Variants in ZNF749 observed in about 807,000 individuals in gnomAD.
The protein encoded by ZNF749 is zinc finger protein 749.
A neutral mutation model predicts 7.3 loss-of-function variants in ZNF749; 8 were observed. That is an observed-to-expected ratio of 1.10 (90% CI 0.64 to 1.98). The LOEUF is 1.98. Ranked by LOEUF, ZNF749 falls within the 30% of genes most tolerant of loss-of-function variation. The pLI is 0.00. For synonymous variants in ZNF749, 310 were observed against 322.4 expected, an observed-to-expected ratio of 0.96 and a Z score of 0.41; for missense variants, 898 against 932.4, an observed-to-expected ratio of 0.96 and a Z score of 0.48.
Position 57,436,345 on chromosome 19 carries a change from A to C in ZNF749, c.15+752A>C, listed in dbSNP as rs1005187780. ...TGAGTTAGAAGTTGTGCACTTGAGA[A>C]GTTGGCCTGTGGATCAGATTGAGAA... On this transcript the variant is annotated intron_variant, in intron 1 of 2. Transcript: ENST00000334181. The surrounding 1 kb of genome is among the most constrained non-coding windows in gnomAD (Gnocchi z 4.0). Among the ~76,000 whole-genome samples the C allele has an allele frequency of 1.3e-5, 2 of 152,116 alleles. No individual in the cohort carries two copies. Among genetic ancestry groups the C allele is most frequent in the African/African-American group, 4.8e-5 (2 of 41,438 alleles).
At chr19:57,441,742 G>A (rs569106292) in intron 1 of ZNF749, 143 bp from the exon 2 acceptor site, 5 of 944,382 alleles carry the variant, frequency 5.3e-6, no homozygotes, top group Non-Finnish European at 8.3e-6. Context: ...TTCAGCATAT[G>A]GGATCTGGAT....
chr19:57,443,726 A>G lies in ZNF749; in HGVS notation c.578A>G (p.Gln193Arg). The G allele has an allele frequency of 6.2e-7, 1 of 1,614,180 alleles. No homozygotes were observed. The highest frequency in any genetic ancestry group is 8.5e-7 in the Non-Finnish European group (1 of 1,179,992). ...TQDGEAFQGE[Q>R]NDFNSSQGGK... The stretch of plus-strand genomic sequence containing the variant: ...GATGGGGAAGCCTTTCAAGGTGAAC[A>G]GAATGATTTCAACTCCAGCCAAGGT... The change falls in exon 3 of 3, where the codon CAG (glutamine) becomes CGG (arginine). Residue 193 changes from glutamine to arginine, a missense_variant. Physicochemically the swap from Gln to Arg is conservative, Grantham distance 43. Transcript: ENST00000334181.
chr19:57,432,269 G>A (rs567875942), upstream of ZNF749, among the ~76,000 whole-genome samples: 12 of 151,004 alleles, frequency 7.9e-5, no homozygotes, highest in Admixed American at 3.3e-4. Context: ...GCAATGTCAC[G>A]GGAGCCAATT....
chr19:57,430,229 A>G, the ZNF749 span, among the ~76,000 whole-genome samples: 1 of 152,210 alleles, frequency 6.6e-6, no homozygotes, highest in Non-Finnish European at 1.5e-5. Context: ...TCCAATACCA[A>G]GATACTAGCA....
chr19:57,447,056 AAATT>A lies in ZNF749; in HGVS notation c.*1576_*1579del, dbSNP rs1211895505. Among the ~76,000 whole-genome samples, 1 of 152,154 alleles carries A rather than the reference AAATT, an allele frequency of 6.6e-6. No homozygotes were observed. The highest frequency in any genetic ancestry group is 1.5e-5 in the Non-Finnish European group (1 of 68,024). The stretch of plus-strand genomic sequence containing the variant: ...AAACATTGTACACTTAGGCTACTCT[AAATT>A]AATTTTTTCTTTAGTAATAAATTAA... On this transcript the variant is annotated 3_prime_UTR_variant, in exon 3 of 3. Coordinates refer to ENST00000334181, the MANE Select transcript of ZNF749 (RefSeq NM_001023561.4).
rs767338994 is a variant in ZNF749, at chr19:57,444,892, C to T, written c.1744C>T (p.Arg582Trp). Residue 582 changes from arginine (R) to tryptophan (W), a missense_variant, in exon 3 of 3, where the codon CGG becomes TGG. Arg to Trp is a moderately radical substitution (Grantham distance 101). Transcript: ENST00000334181. ...TCACCAGAAAATCCAGACTGGAGAA[C>T]GGCGTTATGAATGCAATGAATGTGG... ...DGHQKIQTGERRYECNECGKF... is the reference protein window; with the variant it reads ...DGHQKIQTGEWRYECNECGKF... 4.6e-5 allele frequency: 74 copies of T among 1,614,000 alleles called. No homozygotes were observed. Among genetic ancestry groups the T allele is most frequent in the African/African-American group, 1.2e-4 (9 of 74,918 alleles).
At chr19:57,432,156 T>C (rs894093605), upstream of ZNF749, among the ~76,000 whole-genome samples, 1 of 151,872 alleles carries the variant, frequency 6.6e-6, no homozygotes, top group Non-Finnish European at 1.5e-5. Flanking sequence ...TACCCTATTA[T>C]TATCCTCTTC....
rs185129091 is a variant in ZNF749 at position 57,439,234 on chromosome 19, C to A, written c.16-2651C>A. Among the ~76,000 whole-genome samples the A allele has an allele frequency of 5.9e-5, 9 of 151,612 alleles. No homozygotes were observed. Among genetic ancestry groups the A allele is most frequent in the Admixed American group, 2.6e-4 (4 of 15,222 alleles). ...GTTGTTGGTGACTGAACGAGAGTGG[C>A]GGTGGTGGAAGTGGGAGGAGTGGGG... On this transcript the variant is annotated intron_variant, in intron 1 of 2. Transcript: ENST00000334181. The surrounding 1 kb of genome is among the most constrained non-coding windows in gnomAD (Gnocchi z 4.3).
In ZNF749 at chr19:57,445,263, T is replaced by C. The variant is rs1000059844; in HGVS notation, c.2115T>C (p.Phe705=). The C allele has an allele frequency of 1.2e-6, 2 of 1,614,028 alleles. No homozygotes were observed. The highest frequency in any genetic ancestry group is 3.3e-4 in the Middle Eastern group (2 of 6,062). Residue 705 remains phenylalanine (F), a synonymous_variant, in exon 3 of 3, where the codon TTT becomes TTC. Transcript: ENST00000334181. ...AGTGCAGTAAATGTAGGGAATTGTT[T>C]AGGACTAAATCGAGCCTTATTATAC... ...PHECSKCREL[F]RTKSSLIIHQ...
upstream of ZNF749, among the ~76,000 whole-genome samples, chr19:57,433,442 C>T (rs188446086): frequency 4.6e-5 from 7 of 152,142 alleles, no homozygotes; most frequent in African/African-American, 1.7e-4. Flanking sequence ...TTTGGTGTAG[C>T]CGTTGTCCAT....
upstream of ZNF749, among the ~76,000 whole-genome samples, chr19:57,431,558 AT>A (rs1214897654): frequency 1.3e-5 from 2 of 152,156 alleles, no homozygotes; most frequent in Non-Finnish European, 2.9e-5. Context: ...CTACAGCATG[AT>A]AGGTGGCTAC....
At chr19:57,438,640 T>G (rs1600102503) in intron 1 of ZNF749, among the ~76,000 whole-genome samples, 1 of 152,078 alleles carries the variant, frequency 6.6e-6, no homozygotes, top group Non-Finnish European at 1.5e-5. Flanking sequence ...CCTGCACAGG[T>G]AAGTCAAGGA....
chr19:57,444,087 G>T lies in ZNF749; in HGVS notation c.939G>T (p.Leu313=), dbSNP rs762063833. 1.2e-6 allele frequency: 2 copies of T among 1,613,942 alleles called. No homozygotes were observed. The highest frequency in any genetic ancestry group is 1.7e-4 in the Middle Eastern group (1 of 6,060). ...CGKAFLTQAH[L]VGHQKTHTGE... is the part of the protein sequence containing the mutation. ...AGGCCTTTCTTACACAGGCTCATCT[G>T]GTTGGTCACCAGAAAACCCATACTG... Residue 313 remains leucine (L), a synonymous_variant, in exon 3 of 3, where the codon CTG becomes CTT. Coordinates refer to ENST00000334181, the MANE Select transcript of ZNF749 (RefSeq NM_001023561.4).
rs751026126 is a variant in ZNF749 at position 57,445,281 on chromosome 19, T to C, written c.2133T>C (p.Leu711=). 1.2e-6 allele frequency: 2 copies of C among 1,613,674 alleles called. No individual in the cohort carries two copies. The change falls in exon 3 of 3, where the codon CTT becomes CTC. Residue 711 remains leucine (L), a synonymous_variant. Transcript: ENST00000334181. ...CRELFRTKSS[L]IIHQQSHTGE... ...AATTGTTTAGGACTAAATCGAGCCTTATTATACATCAGCAGTCTCACACTG... is the reference window on the plus strand; with the variant it reads ...AATTGTTTAGGACTAAATCGAGCCTCATTATACATCAGCAGTCTCACACTG...
rs7247347 is a variant in ZNF749 at position 57,446,398 on chromosome 19, G to A, written c.*913G>A. Among the ~76,000 whole-genome samples, 76,123 of 151,986 alleles carry A rather than the reference G, an allele frequency of 0.5. 19,416 individuals carry two copies. The highest frequency in any genetic ancestry group is 0.58 in the South Asian group (2,796 of 4,818). On this transcript the variant is annotated 3_prime_UTR_variant, in exon 3 of 3. Transcript: ENST00000334181. ...CATGAAACCAGTCCCTGGTGCCAAA[G>A]AGGTTGGGGACCGCTGCTTTAAACT...
Position 57,443,612 on chromosome 19 carries a change from C to T in ZNF749, c.464C>T (p.Thr155Met), listed in dbSNP as rs139122172. 38 of 1,614,084 alleles carry T rather than the reference C, an allele frequency of 2.4e-5. No homozygotes were observed. Among genetic ancestry groups the T allele is most frequent in the South Asian group, 1.3e-4 (12 of 91,090 alleles). The change falls in exon 3 of 3, where the codon ACG becomes ATG. Residue 155 changes from threonine (T) to methionine (M), a missense_variant. Physicochemically the swap from Thr to Met is moderately conservative, Grantham distance 81. Coordinates refer to ENST00000334181, the MANE Select transcript of ZNF749 (RefSeq NM_001023561.4). ...AHVGERNFTC[T>M]QGGKDFTASS... ...GTGGGAGAGAGGAACTTCACATGCACGCAGGGTGGCAAGGATTTTACTGCC... is the reference window on the plus strand; with the variant it reads ...GTGGGAGAGAGGAACTTCACATGCATGCAGGGTGGCAAGGATTTTACTGCC...
In ZNF749 at chr19:57,442,457, G is replaced by A. The variant is rs1403599110; in HGVS notation, c.142+446G>A. On this transcript the variant is annotated intron_variant, in intron 2 of 2. Coordinates refer to ENST00000334181, the MANE Select transcript of ZNF749 (RefSeq NM_001023561.4). This position sits in a 1 kb window ranked among gnomAD's most constrained non-coding sequence, Gnocchi z 6.6. ...TTATTTCTGCAGGACGCTCTACTGG[G>A]TGTTCTGGTAGCTTTAGAATGCAGC... Among the ~76,000 whole-genome samples, 4 of 152,176 alleles carry A rather than the reference G, an allele frequency of 2.6e-5. No individual in the cohort carries two copies. The highest frequency in any genetic ancestry group is 5.9e-5 in the Non-Finnish European group (4 of 68,036).
chr19:57,431,834 G>GT (rs1329368133), upstream of ZNF749, among the ~76,000 whole-genome samples: 1 of 151,370 alleles, frequency 6.6e-6, no homozygotes, highest in East Asian at 1.9e-4. Context: ...TTTTGTTTTT[G>GT]TTTTTTTAAC....
chr19:57,435,433 A>C lies in ZNF749; in HGVS notation c.-146A>C. ...TCGGGACTGAGGTGAAAGAGCGGAA[A>C]AACGCGAGAAGCGGTGTTCCTTCTA... On this transcript the variant is annotated 5_prime_UTR_variant, in exon 1 of 3. Coordinates refer to ENST00000334181, the MANE Select transcript of ZNF749 (RefSeq NM_001023561.4). The C allele has an allele frequency of 7.9e-7, 1 of 1,258,436 alleles. No individual in the cohort carries two copies. The highest frequency in any genetic ancestry group is 1.1e-6 in the Non-Finnish European group (1 of 896,276). 78.0% of individuals were successfully genotyped at this position (1,258,436 alleles called of 1,614,324 possible).
Sources: gnomAD v4.1 joint callset for allele counts (sites outside exome capture counted in the v4.1 genomes callset) on GRCh38, gnomAD v4.1.1 for gene constraint, Gnocchi (gnomAD v3.1) non-coding constraint, MANE v1.5 for transcripts, NCBI Gene and HGNC (gene_info 2026-07-23, HGNC 2026-07-21) for gene names.